Variants in WDR7 observed in about 807,000 individuals in gnomAD.
WDR7 encodes the protein WD repeat-containing protein 7.
WDR7 carries 46 observed loss-of-function variants against 169.4 expected under a neutral mutation model. The ratio of observed to expected loss-of-function variants is 0.27; its 90% confidence interval spans 0.21 to 0.35. The LOEUF is 0.35. Among genes scored for constraint, WDR7 ranks in the 10% least tolerant of loss-of-function variants. The pLI is 1.00. For missense variants in WDR7, 1,534 were observed against 1,859.3 expected, an observed-to-expected ratio of 0.83 and a Z score of 3.22; for synonymous variants, 612 against 666.8, an observed-to-expected ratio of 0.92 and a Z score of 1.27.
intron 21 of WDR7, among the ~76,000 whole-genome samples, chr18:56,918,500 T>A (rs2046661351): frequency 1.3e-5 from 2 of 152,210 alleles, no homozygotes; most frequent in Non-Finnish European, 2.9e-5. Context: ...ATTAGTACTA[T>A]TTCAATTTTT....
chr18:56,867,758 A>G (rs534859464), intron 20 of WDR7, among the ~76,000 whole-genome samples: 1 of 152,276 alleles, frequency 6.6e-6, no homozygotes, highest in East Asian at 1.9e-4. Context: ...TTAGATATTC[A>G]GTATCTCTAG....
intron 13 of WDR7, among the ~76,000 whole-genome samples, chr18:56,719,099 C>A (rs2026258466): frequency 6.6e-6 from 1 of 152,250 alleles, no homozygotes; most frequent in South Asian, 2.1e-4. Flanking sequence ...TTGCATGTAA[C>A]CTTTCTTTCT....
chr18:56,708,598 G>A (rs1188399097), intron 12 of WDR7, among the ~76,000 whole-genome samples: 1 of 152,132 alleles, frequency 6.6e-6, no homozygotes, highest in Non-Finnish European at 1.5e-5. Context: ...TGAATGGTGT[G>A]TGGAGAGTGG....
At chr18:56,746,406 A>G (rs2043703943) in intron 14 of WDR7, among the ~76,000 whole-genome samples, 1 of 152,196 alleles carries the variant, frequency 6.6e-6, no homozygotes, top group African/African-American at 2.4e-5. Flanking sequence ...TGGGAATGGT[A>G]AAAGGGGAGC....
At chr18:56,837,492 G>A (rs2045413459) in intron 20 of WDR7, among the ~76,000 whole-genome samples, 1 of 152,058 alleles carries the variant, frequency 6.6e-6, no homozygotes, top group Admixed American at 6.6e-5. Context: ...ATTTTGATTA[G>A]TATATTAAAA....
chr18:56,853,574 C>T (rs2045673357), intron 20 of WDR7, among the ~76,000 whole-genome samples: 1 of 152,030 alleles, frequency 6.6e-6, no homozygotes. Context: ...ACCAGAGACC[C>T]GAACCCCTAC....
chr18:56,744,539 C>G (rs2043673714), intron 14 of WDR7, among the ~76,000 whole-genome samples: 1 of 152,104 alleles, frequency 6.6e-6, no homozygotes, highest in South Asian at 2.1e-4. Context: ...TTGTGAAAGA[C>G]TGATTGCTAG....
At chr18:56,781,212 A>T (rs1253627945) in intron 18 of WDR7, among the ~76,000 whole-genome samples, 1 of 152,240 alleles carries the variant, frequency 6.6e-6, no homozygotes, top group African/African-American at 2.4e-5. Flanking sequence ...ATGCTACATT[A>T]AAGTTCAAAA....
chr18:56,729,966 A>G (rs1180243867), intron 13 of WDR7, among the ~76,000 whole-genome samples: 1 of 152,160 alleles, frequency 6.6e-6, no homozygotes, highest in Non-Finnish European at 1.5e-5. Flanking sequence ...TTTTTGTATG[A>G]TTACTACCTA....
chr18:56,969,024 A>C (rs1052946683), intron 26 of WDR7, among the ~76,000 whole-genome samples: 3 of 152,206 alleles, frequency 2.0e-5, no homozygotes, highest in Non-Finnish European at 4.4e-5. Flanking sequence ...AGCAGGTAAG[A>C]CAAATCAGGT....
At chr18:57,009,793 A>T (rs10747223) in intron 26 of WDR7, 797,655 of 941,446 alleles carry the variant, frequency 0.85, 341,614 homozygotes, top group East Asian at 0.88. Flanking sequence ...AAAAATATAA[A>T]TTCCCTAGCT....
chr18:56,941,595 A>G (rs1265057683), intron 25 of WDR7, among the ~76,000 whole-genome samples: 1 of 152,206 alleles, frequency 6.6e-6, no homozygotes, highest in Non-Finnish European at 1.5e-5. Flanking sequence ...ATAGTGCCCG[A>G]GTATAGAGGG....
intron 25 of WDR7, among the ~76,000 whole-genome samples, chr18:56,948,023 CAAAT>C (rs1305259078): frequency 7.3e-5 from 11 of 151,436 alleles, no homozygotes; most frequent in African/African-American, 2.2e-4. Flanking sequence ...TAATGCATGA[CAAAT>C]AAAGGATTAG....
intron 23 of WDR7, among the ~76,000 whole-genome samples, chr18:56,936,864 G>T (rs566083819): frequency 2.6e-5 from 4 of 152,188 alleles, no homozygotes; most frequent in South Asian, 4.2e-4. Context: ...TTATAGTAAG[G>T]TTCCACTAGA....
intron 26 of WDR7, among the ~76,000 whole-genome samples, chr18:56,974,896 A>G (rs2047543134): frequency 6.6e-6 from 1 of 152,176 alleles, no homozygotes; most frequent in African/African-American, 2.4e-5. Context: ...GCAGAGGAGG[A>G]CAGGCTGAAT....
chr18:57,033,354 T>C (rs2048452170), downstream of WDR7: 1 of 152,162 alleles, frequency 6.6e-6, no homozygotes, highest in South Asian at 2.1e-4. Context: ...AGTCAAAGTT[T>C]TGTGTGATCG....
At chr18:56,747,353 T>C (rs966765951) in intron 14 of WDR7, among the ~76,000 whole-genome samples, 2 of 152,198 alleles carry the variant, frequency 1.3e-5, no homozygotes, top group Admixed American at 1.3e-4. Flanking sequence ...TTAAATGGGA[T>C]AACAGATTTG....
At chr18:56,745,956 G>A (rs1432747423) in intron 14 of WDR7, among the ~76,000 whole-genome samples, 2 of 152,114 alleles carry the variant, frequency 1.3e-5, no homozygotes, top group Non-Finnish European at 2.9e-5. Flanking sequence ...AACTTTCCTA[G>A]GACAATGGTT....
At chr18:56,808,021 C>T (rs1375022108) in intron 19 of WDR7, among the ~76,000 whole-genome samples, 1 of 152,038 alleles carries the variant, frequency 6.6e-6, no homozygotes, top group East Asian at 1.9e-4. Context: ...CTTTCTATGG[C>T]CTTTGTGTGT....
Sources: allele counts gnomAD v4.1 joint callset (sites outside exome capture counted in the v4.1 genomes callset), GRCh38; gene constraint gnomAD v4.1.1; transcripts MANE v1.5; gene names NCBI Gene and HGNC (gene_info 2026-07-23, HGNC 2026-07-21).